The following ADAMTSL3 variants were observed in gnomAD, a reference collection of about 807,000 sequenced individuals.
The protein encoded by ADAMTSL3 is ADAMTS-like protein 3.
In ADAMTSL3, 128 loss-of-function variants were observed where a neutral mutation model predicts 201.7. The ratio of observed to expected loss-of-function variants is 0.63; its 90% CI spans 0.55 to 0.73. The LOEUF is 0.73. Ranked by LOEUF, ADAMTSL3 falls within the 30% of genes least tolerant of loss-of-function variation. The probability of loss-of-function intolerance (pLI) is 0.00; values close to 1 mark genes in which losing one functional copy is unlikely to be tolerated. For synonymous variants in ADAMTSL3, 738 were observed against 748.4 expected (o/e 0.99, Z 0.23); for missense variants, 1,990 against 2,119.6 (o/e 0.94, Z 1.20).
At chr15:84,024,756 G>T (rs970693241) in intron 26 of ADAMTSL3, among the ~76,000 whole-genome samples, 2 of 152,196 alleles carry the variant, frequency 1.3e-5, no homozygotes, top group Non-Finnish European at 2.9e-5. Flanking sequence ...TAGTCATGTG[G>T]TCATAGCTAA....
chr15:83,683,734 C>A (rs2061504261), intron 2 of ADAMTSL3, among the ~76,000 whole-genome samples: 1 of 152,174 alleles, frequency 6.6e-6, no homozygotes, highest in African/African-American at 2.4e-5. Flanking sequence ...GTACCCGGCG[C>A]CTCCTTCACA....
intron 15 of ADAMTSL3, among the ~76,000 whole-genome samples, chr15:83,910,029 C>T (rs2065904340): frequency 6.6e-6 from 1 of 152,168 alleles, no homozygotes; most frequent in South Asian, 2.1e-4. Flanking sequence ...TCTCTCAACA[C>T]TGCATTCACT....
Position 83,982,442 on chromosome 15 carries a change from AT to A in ADAMTSL3, c.2816del (p.Phe939SerfsTer5). Reference sequence around the variant, plus strand: ...TGATTATTAAGTGCCCCGTGCGACGATTCCAGAAATCTCTGATCCAGTGGGA... The same window carrying A: ...TGATTATTAAGTGCCCCGTGCGACGATCCAGAAATCTCTGATCCAGTGGGA... ...SVIIKCPVRRFQKSLIQWEKD... is the reference protein window; with the variant it reads ...SVIIKCPVRRXQKSLIQWEKD... On this transcript the variant is annotated frameshift_variant, in exon 21 of 30. Transcript: ENST00000286744. LOFTEE classifies it high-confidence loss of function. 1 of 1,614,184 alleles carries A rather than the reference AT, an allele frequency of 6.2e-7. No homozygotes were observed. The highest frequency in any genetic ancestry group is 8.5e-7 in the Non-Finnish European group (1 of 1,180,040).
Position 83,885,106 on chromosome 15 carries a change from G to C in ADAMTSL3, c.966G>C (p.Arg322Ser), listed in dbSNP as rs980643177. 1.2e-6 allele frequency: 2 copies of C among 1,612,770 alleles called. No homozygotes were observed. Among genetic ancestry groups the C allele is most frequent in the African/African-American group, 2.7e-5 (2 of 74,872 alleles). The change falls in exon 10 of 30, where the codon AGG becomes AGC. Residue 322 changes from arginine to serine, a missense_variant. Arg to Ser is a moderately radical substitution (Grantham distance 110). Transcript: ENST00000286744. ...PLMADFIFKT[R>S]YTAAKDSVVQ... is the part of the protein sequence containing the mutation. ...TCACAGTTCTCTTTGTCCAGACCAG[G>C]TACACTGCAGCCAAAGACAGCGTGG...
At chr15:83,763,588 TC>T in intron 3 of ADAMTSL3, among the ~76,000 whole-genome samples, 1 of 150,850 alleles carries the variant, frequency 6.6e-6, no homozygotes, top group South Asian at 2.1e-4. Context: ...CACTGCAAGC[TC>T]TGCCTCCCGG....
intron 2 of ADAMTSL3, among the ~76,000 whole-genome samples, chr15:83,678,798 A>ATATATATTTT (rs2061440189): frequency 2.0e-4 from 1 of 4,972 alleles, no homozygotes. Flanking sequence ...TGTATATATA[A>ATATATATTTT]TATATATTTA....
chr15:83,716,747 C>T (rs1336784772), intron 3 of ADAMTSL3, among the ~76,000 whole-genome samples: 1 of 151,912 alleles, frequency 6.6e-6, no homozygotes, highest in African/African-American at 2.4e-5. Context: ...TCAGACTGTT[C>T]TTTGTTTTGG....
chr15:83,981,002 G>T (rs1291467799), intron 20 of ADAMTSL3, among the ~76,000 whole-genome samples: 7 of 152,212 alleles, frequency 4.6e-5, no homozygotes, highest in Non-Finnish European at 1.0e-4. Context: ...GTCCCCCAAG[G>T]TAAATTAGGT....
intron 11 of ADAMTSL3, chr15:83,891,062 T>G: frequency 2.7e-6 from 1 of 365,734 alleles, no homozygotes; most frequent in Non-Finnish European, 4.9e-6. Context: ...TTTATTGAAA[T>G]TGCAAGATAC....
intron 2 of ADAMTSL3, among the ~76,000 whole-genome samples, chr15:83,659,982 A>G (rs1595982160): frequency 1.3e-5 from 2 of 152,340 alleles, no homozygotes; most frequent in African/African-American, 4.8e-5. Flanking sequence ...TCAGAACTGT[A>G]AAAGAATAAA....
At chr15:83,986,716 T>A (rs1156456515) in intron 21 of ADAMTSL3, among the ~76,000 whole-genome samples, 2 of 152,204 alleles carry the variant, frequency 1.3e-5, no homozygotes, top group Non-Finnish European at 2.9e-5. Context: ...AAAGCCTCAT[T>A]CAATGAGAGA....
chr15:83,807,042 TA>T (rs1360248432), intron 5 of ADAMTSL3, among the ~76,000 whole-genome samples: 1 of 152,168 alleles, frequency 6.6e-6, no homozygotes, highest in East Asian at 1.9e-4. Flanking sequence ...AGAACACAGA[TA>T]AAAAATTTAA....
intron 3 of ADAMTSL3, among the ~76,000 whole-genome samples, chr15:83,737,780 C>T (rs74024553): frequency 7.9e-5 from 12 of 152,164 alleles, no homozygotes; most frequent in African/African-American, 2.9e-4. Context: ...CCCGATACAT[C>T]GTGTTAAAAT....
At chr15:83,951,117 A>G (rs988034626) in intron 19 of ADAMTSL3, among the ~76,000 whole-genome samples, 1 of 151,374 alleles carries the variant, frequency 6.6e-6, no homozygotes, top group Admixed American at 6.6e-5. Context: ...AAAAGCCTTC[A>G]GTTTTTCCCC....
At chr15:83,919,166 G>A (rs1167872108) in intron 16 of ADAMTSL3, among the ~76,000 whole-genome samples, 1 of 152,150 alleles carries the variant, frequency 6.6e-6, no homozygotes, top group Non-Finnish European at 1.5e-5. Flanking sequence ...GTGAAGAGGA[G>A]CGGTCTGAAC....
At chr15:83,815,632 A>G (rs59199978) in intron 5 of ADAMTSL3, among the ~76,000 whole-genome samples, 23,035 of 152,252 alleles carry the variant, frequency 0.15, 2,143 homozygotes, top group East Asian at 0.43. Flanking sequence ...TAGCTGAGCC[A>G]GATTAGGCAA....
chr15:83,836,623 A>G (rs1339015790), intron 6 of ADAMTSL3, among the ~76,000 whole-genome samples: 1 of 152,234 alleles, frequency 6.6e-6, no homozygotes, highest in East Asian at 1.9e-4. Flanking sequence ...TAAGATGAAA[A>G]ACACAGAGAA....
At chr15:83,867,916 A>G (rs1000460316) in intron 8 of ADAMTSL3, among the ~76,000 whole-genome samples, 1 of 152,242 alleles carries the variant, frequency 6.6e-6, no homozygotes, top group African/African-American at 2.4e-5. Context: ...GTAGTGGATT[A>G]AAATATTTAA....
intron 4 of ADAMTSL3, among the ~76,000 whole-genome samples, chr15:83,788,883 C>T (rs1406299005): frequency 6.6e-6 from 1 of 152,154 alleles, no homozygotes; most frequent in Non-Finnish European, 1.5e-5. Context: ...GATCTTGGCT[C>T]ACTGCAGCCT....
Sources: allele counts gnomAD v4.1 joint callset (sites outside exome capture counted in the v4.1 genomes callset), GRCh38; gene constraint gnomAD v4.1.1; transcripts MANE v1.5; gene names NCBI Gene and HGNC (gene_info 2026-07-23, HGNC 2026-07-21).